CCDC178: variants seen among roughly 807,000 people sequenced by gnomAD.
The protein encoded by CCDC178 is coiled-coil domain-containing protein 178.
In CCDC178, 126 loss-of-function variants were observed where a neutral mutation model predicts 117.4. The observed-to-expected ratio is 1.07, with a 90% CI of 0.93 to 1.24. The LOEUF is 1.24. Ranked by LOEUF, CCDC178 falls within the 50% of genes most tolerant of loss-of-function variation. The pLI, the probability that CCDC178 is intolerant of heterozygous loss-of-function variation, is 0.00. For synonymous variants in CCDC178, 283 were observed against 313.4 expected (o/e 0.90, Z 1.02); for missense variants, 1,030 against 986.9 (o/e 1.04, Z -0.59).
chr18:33,152,318 C>T lies in CCDC178; in HGVS notation c.2239-59408G>A, dbSNP rs118157061. Among the ~76,000 whole-genome samples the T allele has an allele frequency of 6.5e-3, 993 of 152,110 alleles. 7 individuals are homozygous for T. The highest frequency in any genetic ancestry group is 0.02 in the Middle Eastern group (6 of 294). On this transcript the variant is annotated intron_variant, in intron 20 of 22. Coordinates refer to ENST00000383096, the MANE Select transcript of CCDC178 (RefSeq NM_001105528.4). ...TATAAACCAAAATCATTTTCAAATA[C>T]GCAAAGTGGGAATCTTTACAAAAAT...
chr18:33,087,319 C>T (rs527995222), intron 21 of CCDC178, among the ~76,000 whole-genome samples: 73 of 152,198 alleles, frequency 4.8e-4, no homozygotes, highest in Middle Eastern at 6.8e-3. Flanking sequence ...TTAGTATTTT[C>T]CTCATGGAGT....
chr18:33,290,290 A>G (rs1204284274), intron 12 of CCDC178, among the ~76,000 whole-genome samples: 1 of 152,190 alleles, frequency 6.6e-6, no homozygotes, highest in Non-Finnish European at 1.5e-5. Flanking sequence ...TTTCTACCAT[A>G]TAGACCAATT....
At chr18:33,425,745 G>A (rs1051270641) in intron 2 of CCDC178, among the ~76,000 whole-genome samples, 3 of 152,064 alleles carry the variant, frequency 2.0e-5, no homozygotes, top group Admixed American at 6.5e-5. Context: ...TACTAACATG[G>A]CTGCCCTCAT....
intron 9 of CCDC178, among the ~76,000 whole-genome samples, chr18:33,343,975 C>G (rs2062850140): frequency 6.6e-6 from 1 of 152,002 alleles, no homozygotes; most frequent in South Asian, 2.1e-4. Flanking sequence ...AACACATTAC[C>G]TGAAAGGAAT....
rs2064356440 is a variant in CCDC178, at chr18:33,440,038, C to T, written c.-99G>A. ...CAAGCAAGTATAAAATTCTCAGCCTCTCCGCCAGGAAGTTGTTCAGTATTT... is the reference window on the plus strand; with the variant it reads ...CAAGCAAGTATAAAATTCTCAGCCTTTCCGCCAGGAAGTTGTTCAGTATTT... On this transcript the variant is annotated 5_prime_UTR_variant, in exon 2 of 23. Coordinates refer to ENST00000383096, the MANE Select transcript of CCDC178 (RefSeq NM_001105528.4). The T allele has an allele frequency of 1.3e-5, 2 of 152,238 alleles. No homozygotes were observed. The highest frequency in any genetic ancestry group is 4.2e-4 in the South Asian group (2 of 4,816). The allele number at this position is 152,238 out of a possible 1,614,324, so 9.4% of individuals were successfully genotyped here.
chr18:33,100,080 G>A (rs1355471960), intron 20 of CCDC178, among the ~76,000 whole-genome samples: 6 of 151,848 alleles, frequency 4.0e-5, no homozygotes, highest in Admixed American at 2.6e-4. Flanking sequence ...TTATGACACT[G>A]TTTGATGAAA....
intron 11 of CCDC178, among the ~76,000 whole-genome samples, chr18:33,317,585 C>T (rs772151048): frequency 2.0e-5 from 3 of 152,106 alleles, no homozygotes; most frequent in Admixed American, 6.6e-5. Context: ...CTTTCTTGCA[C>T]GAGATCCAAG....
At chr18:33,285,339 A>G (rs931462171) in intron 12 of CCDC178, among the ~76,000 whole-genome samples, 2 of 152,160 alleles carry the variant, frequency 1.3e-5, no homozygotes, top group African/African-American at 4.8e-5. Context: ...GTGGCCCATG[A>G]AAAAGAAAAT....
At chr18:33,187,114 A>AGAGAGAGAGAGAGAGAGAGAGAGAGC (rs60923129) in intron 20 of CCDC178, among the ~76,000 whole-genome samples, 2 of 150,308 alleles carry the variant, frequency 1.3e-5, no homozygotes, top group African/African-American at 4.9e-5. Context: ...AGAGAGAGAG[A>AGAGAGAGAGAGAGAGAGAGAGAGAGC]GACTGAGAGA....
At chr18:33,176,491 G>T (rs1307870631) in intron 20 of CCDC178, among the ~76,000 whole-genome samples, 3 of 152,206 alleles carry the variant, frequency 2.0e-5, no homozygotes, top group African/African-American at 7.2e-5. Context: ...GAACTTTAAG[G>T]TGAGAACTGT....
chr18:33,103,332 G>T lies in CCDC178; in HGVS notation c.2239-10422C>A, dbSNP rs1317690473. On this transcript the variant is annotated intron_variant, in intron 20 of 22. Transcript: ENST00000383096. ...TCATGATTACATTATCTCCCAACAGGTCCCTCCCACAACCCCTGGGAATTA... is the reference window on the plus strand; with the variant it reads ...TCATGATTACATTATCTCCCAACAGTTCCCTCCCACAACCCCTGGGAATTA... Among the ~76,000 whole-genome samples, 3 of 151,420 alleles carry T rather than the reference G, an allele frequency of 2.0e-5. No individual in the cohort carries two copies. In the Admixed American group the frequency reaches 2.0e-4, roughly 10 times the overall value.
At position 33,345,819 on chromosome 18, in the gene CCDC178, A is replaced by G. The variant is rs115668612; in HGVS notation, c.658+392T>C. ...TAACATCTTTCAAAAGTGCTGGTTT[A>G]TATGCAAAACAATATGGTCACTCTA... On this transcript the variant is annotated intron_variant, in intron 9 of 22. Transcript: ENST00000383096. Among the ~76,000 whole-genome samples, 497 of 152,274 alleles carry G rather than the reference A, an allele frequency of 3.3e-3. 5 individuals are homozygous for G. Among genetic ancestry groups the G allele is most frequent in the African/African-American group, 0.012 (481 of 41,554 alleles).
intron 11 of CCDC178, among the ~76,000 whole-genome samples, chr18:33,294,629 T>C (rs529742398): frequency 3.9e-5 from 6 of 152,316 alleles, no homozygotes; most frequent in Admixed American, 6.5e-5. Context: ...CAACATTCTT[T>C]ACATTTCCAT....
intron 21 of CCDC178, among the ~76,000 whole-genome samples, chr18:33,034,232 C>T (rs975979945): frequency 6.6e-6 from 1 of 151,918 alleles, no homozygotes. Context: ...CTGCATTAGG[C>T]TCTCATTATT....
intron 20 of CCDC178, among the ~76,000 whole-genome samples, chr18:33,185,216 G>C (rs1188224047): frequency 6.6e-6 from 1 of 151,942 alleles, no homozygotes; most frequent in Non-Finnish European, 1.5e-5. Context: ...ACGAGAAAGG[G>C]GAAACTGGAA....
chr18:32,973,583 C>A (rs1485197514), intron 22 of CCDC178, among the ~76,000 whole-genome samples: 2 of 152,048 alleles, frequency 1.3e-5, no homozygotes, highest in Non-Finnish European at 2.9e-5. Flanking sequence ...CACACACACA[C>A]AATCCTCAGA....
intron 21 of CCDC178, among the ~76,000 whole-genome samples, chr18:33,086,480 A>C (rs943906126): frequency 2.0e-5 from 3 of 151,290 alleles, no homozygotes; most frequent in Non-Finnish European, 2.9e-5. Context: ...AGAGAGAGAG[A>C]GAATAATATT....
At chr18:33,071,889 T>C (rs987257794) in intron 21 of CCDC178, among the ~76,000 whole-genome samples, 12 of 152,096 alleles carry the variant, frequency 7.9e-5, no homozygotes, top group African/African-American at 2.9e-4. Context: ...TTACAAATAT[T>C]AGTTGGTATA....
intron 21 of CCDC178, among the ~76,000 whole-genome samples, chr18:33,019,642 T>G (rs576296103): frequency 3.3e-5 from 5 of 152,258 alleles, no homozygotes; most frequent in African/African-American, 1.2e-4. Context: ...CTTACTTATA[T>G]AATGTAAGCA....
Sources: gnomAD v4.1 joint callset for allele counts (sites outside exome capture counted in the v4.1 genomes callset) on GRCh38, gnomAD v4.1.1 for gene constraint, MANE v1.5 for transcripts, NCBI Gene and HGNC (gene_info 2026-07-23, HGNC 2026-07-21) for gene names.